The following CRACD variants were observed in gnomAD, a reference collection of about 807,000 sequenced individuals.
CRACD encodes capping protein-inhibiting regulator of actin dynamics.
A neutral mutation model predicts 106.8 loss-of-function variants in CRACD; 56 were observed. The observed-to-expected ratio is 0.52, with a 90% CI of 0.42 to 0.66. CRACD has a LOEUF of 0.66. Among genes scored for constraint, CRACD ranks in the 30% least tolerant of loss-of-function variants. The pLI, the probability that CRACD is intolerant of heterozygous loss-of-function variation, is 0.00. For missense variants in CRACD, 1,730 were observed against 1,623.2 expected, an observed-to-expected ratio of 1.07 and a Z score of -1.13; for synonymous variants, 754 against 670.8, an observed-to-expected ratio of 1.12 and a Z score of -1.92.
chr4:56,257,554 G>C (rs2109605416), intron 2 of CRACD, among the ~76,000 whole-genome samples: 1 of 151,396 alleles, frequency 6.6e-6, no homozygotes, highest in South Asian at 2.1e-4. Flanking sequence ...AATTAGCTGG[G>C]CTTGGTGGCA....
chr4:56,273,631 C>A (rs1392573411), intron 3 of CRACD, among the ~76,000 whole-genome samples: 1 of 152,188 alleles, frequency 6.6e-6, no homozygotes, highest in African/African-American at 2.4e-5. Context: ...ACAACCCCAT[C>A]TGATTTGTTT....
chr4:56,154,722 G>T (rs1735711050), intron 1 of CRACD, among the ~76,000 whole-genome samples: 1 of 152,114 alleles, frequency 6.6e-6, no homozygotes, highest in South Asian at 2.1e-4. Context: ...GTAAATCATG[G>T]CTCCCAAGGA....
At chr4:56,226,740 G>A (rs1046485044) in intron 2 of CRACD, among the ~76,000 whole-genome samples, 5 of 152,030 alleles carry the variant, frequency 3.3e-5, no homozygotes, top group African/African-American at 1.2e-4. Flanking sequence ...GGCAAGGGAA[G>A]GTGAGTGAGT....
intron 2 of CRACD, among the ~76,000 whole-genome samples, chr4:56,205,171 A>G (rs747810951): frequency 5.3e-5 from 8 of 152,008 alleles, no homozygotes; most frequent in Non-Finnish European, 8.8e-5. Context: ...TAAAGAAATA[A>G]ATAATTAAAA....
At chr4:56,067,837 A>G (rs540935011) in intron 1 of CRACD, among the ~76,000 whole-genome samples, 2 of 152,234 alleles carry the variant, frequency 1.3e-5, no homozygotes, top group Non-Finnish European at 2.9e-5. Context: ...CGGCCTTCCA[A>G]AGTGCTGGGA....
At chr4:56,140,723 G>T (rs961606296) in intron 1 of CRACD, among the ~76,000 whole-genome samples, 1 of 152,120 alleles carries the variant, frequency 6.6e-6, no homozygotes, top group African/African-American at 2.4e-5. Flanking sequence ...TGAAACATCC[G>T]CTTTTGCCCT....
intron 2 of CRACD, among the ~76,000 whole-genome samples, chr4:56,182,863 ATGTGTGTGTGTGTGTGTGTG>A (rs34291347): frequency 6.9e-5 from 10 of 144,726 alleles, no homozygotes; most frequent in Non-Finnish European, 1.4e-4. Flanking sequence ...AAAAAAAGAT[ATGTGTGTGTGTGTGTGTGTG>A]TGTGTGTGTG....
At chr4:56,288,787 G>T (rs1240589994) in intron 3 of CRACD, among the ~76,000 whole-genome samples, 2 of 152,132 alleles carry the variant, frequency 1.3e-5, no homozygotes, top group Non-Finnish European at 2.9e-5. Context: ...GAGTCATAAG[G>T]CTGCATTCCT....
chr4:56,063,823 A>G (rs993535224), intron 1 of CRACD, among the ~76,000 whole-genome samples: 1 of 152,200 alleles, frequency 6.6e-6, no homozygotes, highest in Non-Finnish European at 1.5e-5. Context: ...GTGTACAGGT[A>G]TCTGAGTTCT....
intron 1 of CRACD, among the ~76,000 whole-genome samples, chr4:56,109,394 C>T (rs1347651423): frequency 1.3e-5 from 2 of 152,238 alleles, no homozygotes; most frequent in South Asian, 2.1e-4. Flanking sequence ...TCTCTTGCCT[C>T]GGCACCTAGG....
intron 2 of CRACD, among the ~76,000 whole-genome samples, chr4:56,239,208 G>A (rs1347432111): frequency 2.6e-5 from 4 of 151,960 alleles, no homozygotes; most frequent in South Asian, 2.1e-4. Context: ...CAGGAGAATC[G>A]CTTGAACCTG....
At chr4:56,178,089 A>G (rs1221277993) in intron 1 of CRACD, among the ~76,000 whole-genome samples, 1 of 152,200 alleles carries the variant, frequency 6.6e-6, no homozygotes, top group African/African-American at 2.4e-5. Flanking sequence ...GTAAGGTGCC[A>G]ATGCCAAATG....
At chr4:56,101,207 C>T (rs1733766179) in intron 1 of CRACD, among the ~76,000 whole-genome samples, 1 of 152,066 alleles carries the variant, frequency 6.6e-6, no homozygotes, top group South Asian at 2.1e-4. Context: ...GTTGTTTTGG[C>T]AAAATTGACT....
chr4:56,080,781 C>G (rs746705089), intron 1 of CRACD, among the ~76,000 whole-genome samples: 1 of 152,226 alleles, frequency 6.6e-6, no homozygotes, highest in Non-Finnish European at 1.5e-5. Flanking sequence ...AGCAAGGTGA[C>G]GAGACCTAAA....
At chr4:56,248,314 G>A (rs994579299) in intron 2 of CRACD, among the ~76,000 whole-genome samples, 5 of 152,106 alleles carry the variant, frequency 3.3e-5, no homozygotes, top group South Asian at 2.1e-4. Context: ...ACCTGGTGCC[G>A]CTCATACCTG....
intron 2 of CRACD, among the ~76,000 whole-genome samples, chr4:56,271,880 G>A (rs1178423748): frequency 2.0e-5 from 3 of 152,138 alleles, no homozygotes; most frequent in African/African-American, 7.2e-5. Flanking sequence ...AAGTAGCCAA[G>A]ACTAAAGGCG....
At chr4:56,256,766 G>A (rs975769219) in intron 2 of CRACD, among the ~76,000 whole-genome samples, 1 of 152,146 alleles carries the variant, frequency 6.6e-6, no homozygotes, top group Non-Finnish European at 1.5e-5. Flanking sequence ...GCCCATATCT[G>A]TGGAATGTAA....
intron 1 of CRACD, among the ~76,000 whole-genome samples, chr4:56,134,056 C>T (rs1734912979): frequency 6.6e-6 from 1 of 152,002 alleles, no homozygotes; most frequent in African/African-American, 2.4e-5. Flanking sequence ...CATAAATTAG[C>T]TGGACGTGGT....
intron 1 of CRACD, among the ~76,000 whole-genome samples, chr4:56,066,140 G>A (rs1033726511): frequency 2.0e-5 from 3 of 152,156 alleles, no homozygotes; most frequent in Non-Finnish European, 2.9e-5. Flanking sequence ...TGTGAACAGT[G>A]CTTCAGTCAG....
Sources: gnomAD v4.1 joint callset for allele counts (sites outside exome capture counted in the v4.1 genomes callset) on GRCh38, gnomAD v4.1.1 for gene constraint, MANE v1.5 for transcripts, NCBI Gene and HGNC (gene_info 2026-07-23, HGNC 2026-07-21) for gene names.